The following DDRGK1 variants were observed in gnomAD, a reference collection of about 807,000 sequenced individuals.
The protein encoded by DDRGK1 is DDRGK domain-containing protein 1.
DDRGK1 carries 38 observed loss-of-function variants against 45.8 expected under a neutral mutation model. The observed-to-expected ratio is 0.83, with a 90% CI of 0.64 to 1.09. The LOEUF (loss-of-function observed/expected upper bound fraction) is 1.09, where lower values mean the gene tolerates loss of function less well. DDRGK1 is among the 50% of genes least tolerant of loss of function. DDRGK1 has a pLI of 0.00. For missense variants in DDRGK1, 403 were observed against 419.9 expected (o/e 0.96, Z 0.35); for synonymous variants, 171 against 168.7 (o/e 1.01, Z -0.11).
chr20:3,190,808 C>T lies in DDRGK1; in HGVS notation c.790G>A (p.Asp264Asn), dbSNP rs376415173. 11 of 1,611,932 alleles carry T rather than the reference C, an allele frequency of 6.8e-6. No individual in the cohort carries two copies. The highest frequency in any genetic ancestry group is 2.7e-5 in the African/African-American group (2 of 74,894). Residue 264 changes from aspartate to asparagine, a missense_variant, in exon 9 of 9, where the codon GAC (aspartate) becomes AAC (asparagine). Physicochemically the swap from Asp to Asn is conservative, Grantham distance 23 (BLOSUM62 1). Coordinates refer to ENST00000354488, the MANE Select transcript of DDRGK1 (RefSeq NM_023935.3). ...GTTATGTAGATGAACTTGCCCCGGT[C>T]GTCAATCACACCTGTGGGGACATGC... is the stretch of plus-strand genomic sequence containing the variant. ...AEGTITGVIDDRGKFIYITPE... is the reference protein window; with the variant it reads ...AEGTITGVIDNRGKFIYITPE...
At chr20:3,193,868 C>T (rs2066999145) in intron 6 of DDRGK1, among the ~76,000 whole-genome samples, 1 of 152,174 alleles carries the variant, frequency 6.6e-6, no homozygotes, top group Non-Finnish European at 1.5e-5. Context: ...TCAGGACCAT[C>T]TTACTGCCTA....
At chr20:3,201,075 A>G (rs1180816667) in intron 2 of DDRGK1, among the ~76,000 whole-genome samples, 1 of 151,662 alleles carries the variant, frequency 6.6e-6, no homozygotes, top group Non-Finnish European at 1.5e-5. Context: ...ACGCCACTGC[A>G]CTCCAACCTG....
chr20:3,195,052 C>T (rs1055300408), intron 5 of DDRGK1, among the ~76,000 whole-genome samples, 179 bp downstream of exon 5: 2 of 152,196 alleles, frequency 1.3e-5, no homozygotes, highest in Admixed American at 1.3e-4. Flanking sequence ...GTGAGAGTTT[C>T]GGAGGCACCA....
intron 4 of DDRGK1, among the ~76,000 whole-genome samples, chr20:3,195,635 A>G (rs867517942): frequency 6.6e-6 from 1 of 151,946 alleles, no homozygotes; most frequent in Non-Finnish European, 1.5e-5. Context: ...AAACCCTGCC[A>G]TGACCCCACT....
rs149649201 is a variant in DDRGK1 at position 3,199,699 on chromosome 20, T to C, written c.510+302A>G. Among the ~76,000 whole-genome samples, 810 of 152,186 alleles carry C rather than the reference T, an allele frequency of 5.3e-3. 1 individual carries two copies. Among genetic ancestry groups the C allele is most frequent in the Non-Finnish European group, 8.9e-3 (605 of 68,006 alleles). Reference sequence around the variant, plus strand: ...CTTCAGGATCCAGACCCCCATCACCTCTCTGCCATCTTCTCCTCCTCTCCT... The same window carrying C: ...CTTCAGGATCCAGACCCCCATCACCCCTCTGCCATCTTCTCCTCCTCTCCT... On this transcript the variant is annotated intron_variant, in intron 4 of 8. Coordinates refer to ENST00000354488, the MANE Select transcript of DDRGK1 (RefSeq NM_023935.3).
intron 6 of DDRGK1, among the ~76,000 whole-genome samples, chr20:3,192,822 C>T (rs969168269): frequency 1.3e-5 from 2 of 152,156 alleles, no homozygotes; most frequent in Non-Finnish European, 2.9e-5. Context: ...ATGGTGACAC[C>T]TCCCTGACTG....
At chr20:3,193,305 A>G (rs2066997061) in intron 6 of DDRGK1, among the ~76,000 whole-genome samples, 1 of 152,252 alleles carries the variant, frequency 6.6e-6, no homozygotes, top group African/African-American at 2.4e-5. Flanking sequence ...ACTGAATTTC[A>G]GAAGTCCTCC....
rs147025244 is a variant in DDRGK1, at chr20:3,199,136, CG to C, written c.510+864del. ...TGCCATTGCACTCCAGCCTGGGCAACGGAGCAAGACCCTGTCTTAATCAATC... is the reference window on the plus strand; with the variant it reads ...TGCCATTGCACTCCAGCCTGGGCAACGAGCAAGACCCTGTCTTAATCAATC... On this transcript the variant is annotated intron_variant, in intron 4 of 8. Transcript: ENST00000354488. 4.4e-3 allele frequency among the ~76,000 whole-genome samples: 666 copies of C among 152,064 alleles called. 3 individuals are homozygous for C. The highest frequency in any genetic ancestry group is 0.016 in the African/African-American group (648 of 41,470).
chr20:3,191,308 TC>T, intron 7 of DDRGK1, 70 bp from the exon 8 acceptor site: 1 of 1,517,170 alleles, frequency 6.6e-7, no homozygotes, highest in Non-Finnish European at 9.1e-7. Flanking sequence ...GAAACCTCCC[TC>T]CCACTACAGC....
At chr20:3,201,689 GCT>G (rs1360290879) in intron 2 of DDRGK1, among the ~76,000 whole-genome samples, 1 of 150,408 alleles carries the variant, frequency 6.6e-6, no homozygotes, top group Admixed American at 6.6e-5. Flanking sequence ...ACGGAGTCTC[GCT>G]CTGTTGCCCA....
rs747210009 is a variant in DDRGK1, at chr20:3,190,725, G to A, written c.873C>T (p.Ile291=). 1.1e-5 allele frequency: 18 copies of A among 1,614,102 alleles called. No individual in the cohort carries two copies. In the Admixed American group the frequency reaches 1.5e-4, roughly 13 times the overall value. Residue 291 remains isoleucine, a synonymous_variant, in exon 9 of 9, where the codon ATC becomes ATT. Coordinates refer to ENST00000354488, the MANE Select transcript of DDRGK1 (RefSeq NM_023935.3). ...NFIRQRGRVS[I]AELAQASNSL... ...AGTTGCTGGCTTGGGCAAGCTCGGCGATGGACACCCGGCCCCGCTGTCGGA... is the reference window on the plus strand; with the variant it reads ...AGTTGCTGGCTTGGGCAAGCTCGGCAATGGACACCCGGCCCCGCTGTCGGA...
intron 4 of DDRGK1, 26 bp from the exon 5 acceptor site, chr20:3,195,379 G>A (rs6084293): frequency 6.4e-7 from 1 of 1,570,268 alleles, no homozygotes; most frequent in Non-Finnish European, 8.6e-7. Flanking sequence ...GCAAAAGTCA[G>A]GTATCGGGGG....
rs779149576 is a variant in DDRGK1, at chr20:3,195,314, G to A, written c.550C>T (p.Arg184Trp). Residue 184 changes from arginine (R) to tryptophan (W), a missense_variant, in exon 5 of 9, where the codon CGG becomes TGG. Physicochemically the swap from Arg to Trp is moderately radical, Grantham distance 101. Coordinates refer to ENST00000354488, the MANE Select transcript of DDRGK1 (RefSeq NM_023935.3). ...AGTTTCAGGTACTCCTCATGCTCCC[G>A]CTGGGCCTGCTCCTCGCGGGCCTTC... ...ERKAREEQAQ[R>W]EHEEYLKLKE... The A allele has an allele frequency of 2.7e-5, 43 of 1,611,536 alleles. No individual in the cohort carries two copies. The East Asian group carries it at 4.7e-4, about 18-fold the overall frequency.
chr20:3,203,342 C>G lies in DDRGK1; in HGVS notation c.166G>C (p.Glu56Gln), dbSNP rs760845455. ...GGCCTGCCTCCAGCTCTCGGCTCCT[C>G]AGGCTCCAGGGGCCCAGGCTGGGCC... ...RVAQPGPLEP[E>Q]EPRAGGRPRR... Residue 56 changes from glutamate to glutamine, a missense_variant, in exon 2 of 9, where the codon GAG becomes CAG. Transcript: ENST00000354488. The G allele has an allele frequency of 1.2e-6, 2 of 1,609,018 alleles. No homozygotes were observed. Among genetic ancestry groups the G allele is most frequent in the Non-Finnish European group, 1.7e-6 (2 of 1,177,430 alleles).
At chr20:3,201,089 G>A (rs968925041) in intron 2 of DDRGK1, among the ~76,000 whole-genome samples, 5 of 151,242 alleles carry the variant, frequency 3.3e-5, no homozygotes, top group East Asian at 1.9e-4. Flanking sequence ...CAACCTGGGC[G>A]ACAGAGTGAG....
At chr20:3,200,230 G>A (rs34286501) in intron 3 of DDRGK1, 112 bp downstream of exon 3, 3 of 1,453,392 alleles carry the variant, frequency 2.1e-6, no homozygotes, top group Non-Finnish European at 2.8e-6. Context: ...CAGAGCCAGG[G>A]AAGCAGCAAA....
chr20:3,190,745 G>A lies in DDRGK1; in HGVS notation c.853C>T (p.Gln285Ter). Residue 285 changes from glutamine to a stop codon, truncating the protein, a stop_gained, in exon 9 of 9, where the codon CAG becomes TAG. Transcript: ENST00000354488. LOFTEE classifies it high-confidence loss of function. ...TCGGCGATGGACACCCGGCCCCGCT[G>A]TCGGATGAAGTTGGCCACGGCGGCC... ...ELAAVANFIR[Q>*]RGRVSIAELA... 2 of 1,614,152 alleles carry A rather than the reference G, an allele frequency of 1.2e-6. No homozygotes were observed. The highest frequency in any genetic ancestry group is 1.7e-6 in the Non-Finnish European group (2 of 1,180,028).
At chr20:3,201,515 G>A (rs1365473436) in intron 2 of DDRGK1, among the ~76,000 whole-genome samples, 1 of 151,142 alleles carries the variant, frequency 6.6e-6, no homozygotes, top group Non-Finnish European at 1.5e-5. Flanking sequence ...TTTAGATATT[G>A]CATAGCCACA....
intron 1 of DDRGK1, among the ~76,000 whole-genome samples, chr20:3,203,786 T>G (rs1267251399): frequency 6.6e-6 from 1 of 152,088 alleles, no homozygotes; most frequent in Non-Finnish European, 1.5e-5. Flanking sequence ...AGCCAGAGAG[T>G]ACACTTCCCG....
Sources: allele counts gnomAD v4.1 joint callset (sites outside exome capture counted in the v4.1 genomes callset), GRCh38; gene constraint gnomAD v4.1.1; transcripts MANE v1.5; gene names NCBI Gene and HGNC (gene_info 2026-07-23, HGNC 2026-07-21).